Variants in ZNF518A observed in about 807,000 individuals in gnomAD.
ZNF518A encodes zinc finger protein 518.
A neutral mutation model predicts 102.7 loss-of-function variants in ZNF518A; 47 were observed. The ratio of observed to expected loss-of-function variants is 0.46; its 90% CI spans 0.36 to 0.58. The LOEUF (loss-of-function observed/expected upper bound fraction) is 0.58. Ranked by LOEUF, ZNF518A falls within the 20% of genes least tolerant of loss-of-function variation. The probability of loss-of-function intolerance (pLI) is 0.00; values close to 1 mark genes in which losing one functional copy is unlikely to be tolerated. For synonymous variants in ZNF518A, 652 were observed against 594.6 expected, an observed-to-expected ratio of 1.10 and a Z score of -1.40; for missense variants, 1,793 against 1,699.8, an observed-to-expected ratio of 1.05 and a Z score of -0.96.
downstream of ZNF518A, chr10:96,204,548 A>G: frequency 1.2e-6 from 2 of 1,614,112 alleles, no homozygotes; most frequent in South Asian, 2.2e-5. Flanking sequence ...GCAGGAGGAA[A>G]CACTGGTGAC....
Position 96,178,856 on chromosome 10 carries a change from A to G in ZNF518A, n.35+22809A>G, listed in dbSNP as rs1022868346. 1.2e-4 allele frequency among the ~76,000 whole-genome samples: 18 copies of G among 152,212 alleles called. No individual in the cohort carries two copies. The East Asian group carries it at 2.7e-3, about 23-fold the overall frequency. The stretch of plus-strand genomic sequence containing the variant: ...GGACAAATTCCTTGAGAGACAAATT[A>G]ACAAAACAAAAATAGAAAATCACAA... On this transcript the variant is annotated intron_variant and non_coding_transcript_variant, in intron 1 of 2. Coordinates refer to the ZNF518A transcript ENST00000442635.
chr10:96,167,113 T>C (rs587714899), downstream of ZNF518A, among the ~76,000 whole-genome samples: 157 of 152,320 alleles, frequency 1.0e-3, no homozygotes, highest in South Asian at 4.1e-3. Flanking sequence ...GTAGGAAATA[T>C]AAAGTTTTGA....
At position 96,159,253 on chromosome 10, in the gene ZNF518A, G is replaced by A. The variant is rs782556113; in HGVS notation, c.2931G>A (p.Gly977=). 8.7e-6 allele frequency: 14 copies of A among 1,613,490 alleles called. No homozygotes were observed. The highest frequency in any genetic ancestry group is 1.2e-5 in the Non-Finnish European group (14 of 1,179,740). ...CTCTTTTTGTAAACAAGAAACCTGGGATGGTTTTAACACTTAATAATGGGA... is the reference window on the plus strand; with the variant it reads ...CTCTTTTTGTAAACAAGAAACCTGGAATGGTTTTAACACTTAATAATGGGA... The part of the protein sequence containing the change: ...PASLFVNKKP[G]MVLTLNNGKL... The change falls in exon 6 of 6, where the codon GGG becomes GGA. Residue 977 remains glycine (G), a synonymous_variant. Transcript: ENST00000316045.
chr10:96,189,668 G>T, intron 1 of ZNF518A: 1 of 718,790 alleles, frequency 1.4e-6, no homozygotes, highest in Middle Eastern at 3.9e-4. Context: ...TTCTTCAATG[G>T]TGCTTTTTCT....
At chr10:96,135,798 A>G (rs751513746) in intron 3 of ZNF518A, among the ~76,000 whole-genome samples, 32 of 152,224 alleles carry the variant, frequency 2.1e-4, no homozygotes, top group Non-Finnish European at 4.0e-4. Flanking sequence ...ATTCATATTA[A>G]TATACAGCAA....
In ZNF518A at chr10:96,157,234, G is replaced by C. The variant is rs1364858739; in HGVS notation, c.912G>C (p.Met304Ile). Residue 304 changes from methionine to isoleucine, a missense_variant, in exon 6 of 6, where the codon ATG becomes ATC. Met to Ile is a conservative substitution (Grantham distance 10). Around this residue, in one of 3 missense-constraint regions of ZNF518A, gnomAD observed 1,741 missense variants for 1,622.6 expected, o/e 1.07. Transcript: ENST00000316045. Reference protein sequence around the residue: ...KLEKDKYEKRMAKTSAGLKLI... With the variant: ...KLEKDKYEKRIAKTSAGLKLI... ...AAAAAGACAAATATGAAAAAAGAAT[G>C]GCAAAGACTTCTGCAGGACTTAAGC... 1.2e-6 allele frequency: 2 copies of C among 1,609,266 alleles called. No homozygotes were observed. Among genetic ancestry groups the C allele is most frequent in the East Asian group, 4.5e-5 (2 of 44,840 alleles).
chr10:96,189,291 A>T (rs587660464), intron 1 of ZNF518A: 4 of 444,770 alleles, frequency 9.0e-6, no homozygotes, highest in Non-Finnish European at 1.7e-5. Context: ...TAGAAAGGAC[A>T]GCCAGATATT....
chr10:96,169,682 C>CT (rs2133882039), intron 1 of ZNF518A, among the ~76,000 whole-genome samples: 1 of 152,222 alleles, frequency 6.6e-6, no homozygotes, highest in African/African-American at 2.4e-5. Flanking sequence ...CTACTGAATG[C>CT]TTTTTTCTCT....
chr10:96,137,530 C>CT (rs2081664975), intron 3 of ZNF518A, among the ~76,000 whole-genome samples: 1 of 152,194 alleles, frequency 6.6e-6, no homozygotes, highest in African/African-American at 2.4e-5. Flanking sequence ...TCTAGTTAGT[C>CT]ATCTTCTTAC....
intron 1 of ZNF518A, among the ~76,000 whole-genome samples, chr10:96,203,284 C>A (rs2083699265): frequency 1.3e-5 from 2 of 151,876 alleles, no homozygotes; most frequent in South Asian, 4.1e-4. Flanking sequence ...TTTGTGTTGT[C>A]AGAATTTTTT....
chr10:96,177,605 G>C (rs1362300015), intron 1 of ZNF518A, among the ~76,000 whole-genome samples: 4 of 152,288 alleles, frequency 2.6e-5, no homozygotes, highest in Non-Finnish European at 5.9e-5. Context: ...TTTGAAGATA[G>C]ACTGTGATAA....
At chr10:96,179,788 T>C (rs1367179900) in intron 1 of ZNF518A, among the ~76,000 whole-genome samples, 1 of 150,404 alleles carries the variant, frequency 6.6e-6, no homozygotes, top group Non-Finnish European at 1.5e-5. Context: ...CTTTTCTTCT[T>C]CCTCCTCCTC....
chr10:96,164,192 A>G (rs2083097940), downstream of ZNF518A, among the ~76,000 whole-genome samples: 1 of 152,222 alleles, frequency 6.6e-6, no homozygotes, highest in African/African-American at 2.4e-5. Flanking sequence ...ATGGAGGTGA[A>G]TTAAAAACAG....
At chr10:96,154,164 C>T (rs909811224) in intron 3 of ZNF518A, among the ~76,000 whole-genome samples, 2 of 152,176 alleles carry the variant, frequency 1.3e-5, no homozygotes, top group Non-Finnish European at 2.9e-5. Context: ...AACCTCATCT[C>T]TACAAAAAAT....
chr10:96,154,361 T>A (rs2082594522), intron 3 of ZNF518A, among the ~76,000 whole-genome samples: 1 of 152,102 alleles, frequency 6.6e-6, no homozygotes, highest in Non-Finnish European at 1.5e-5. Context: ...TCTCTTTCTC[T>A]GTTTCTTTCT....
rs587716851 is a variant in ZNF518A at position 96,158,043 on chromosome 10, A to G, written c.1721A>G (p.Asp574Gly). Residue 574 changes from aspartate (D) to glycine (G), a missense_variant, in exon 6 of 6, where the codon GAT becomes GGT. Physicochemically the swap from Asp to Gly is moderately conservative, Grantham distance 94. Around this residue, in one of 3 missense-constraint regions of ZNF518A, gnomAD observed 1,741 missense variants for 1,622.6 expected, o/e 1.07. Transcript: ENST00000316045. ...TTGACCACAAAATTTGAAACAAGAG[A>G]TAATGTTGACTTCTGGGGAAATCAT... ...VNLTTKFETRDNVDFWGNHLT... is the reference protein window; with the variant it reads ...VNLTTKFETRGNVDFWGNHLT... 8.1e-6 allele frequency: 13 copies of G among 1,613,810 alleles called. No individual in the cohort carries two copies. The Admixed American group carries it at 1.5e-4, about 19-fold the overall frequency.
chr10:96,203,219 T>C (rs1425086477), intron 1 of ZNF518A, among the ~76,000 whole-genome samples: 1 of 152,226 alleles, frequency 6.6e-6, no homozygotes, highest in Non-Finnish European at 1.5e-5. Flanking sequence ...GTAAAAGGTA[T>C]AATAAACCTT....
At chr10:96,173,261 A>G (rs1357801795) in intron 1 of ZNF518A, among the ~76,000 whole-genome samples, 4 of 152,158 alleles carry the variant, frequency 2.6e-5, no homozygotes, top group Non-Finnish European at 4.4e-5. Context: ...CAACAGGTAC[A>G]AACCAGGGCT....
chr10:96,159,082 A>C lies in ZNF518A; in HGVS notation c.2760A>C (p.Pro920=), dbSNP rs1554885432. 4 of 1,612,800 alleles carry C rather than the reference A, an allele frequency of 2.5e-6. No homozygotes were observed. Among genetic ancestry groups the C allele is most frequent in the Non-Finnish European group, 3.4e-6 (4 of 1,179,572 alleles). ...QNLGSFYMQS[P]LLNSEQKKTI... The stretch of plus-strand genomic sequence containing the variant: ...TAGGTTCTTTTTATATGCAGAGTCC[A>C]CTTTTAAATTCAGAACAAAAAAAAA... Residue 920 remains proline (P), a synonymous_variant, in exon 6 of 6, where the codon CCA becomes CCC. Transcript: ENST00000316045.
Sources: gnomAD v4.1 joint callset for allele counts (sites outside exome capture counted in the v4.1 genomes callset) on GRCh38, gnomAD v4.1.1 for gene constraint, gnomAD v4.1.1 regional missense constraint, MANE v1.5 for transcripts, NCBI Gene and HGNC (gene_info 2026-07-23, HGNC 2026-07-21) for gene names.